SS18L1: variants seen among roughly 807,000 people sequenced by gnomAD.
SS18L1 encodes the protein SS18L1 subunit of BAF chromatin remodeling complex.
In SS18L1, 32 loss-of-function variants were observed where a neutral mutation model predicts 70.3. That is an observed-to-expected ratio of 0.46 (90% CI 0.34 to 0.61). The LOEUF is 0.61. Ranked by LOEUF, SS18L1 falls within the 20% of genes least tolerant of loss-of-function variation. The pLI is 0.01. For synonymous variants in SS18L1, 237 were observed against 229.7 expected, an observed-to-expected ratio of 1.03 and a Z score of -0.29; for missense variants, 430 against 542.1, an observed-to-expected ratio of 0.79 and a Z score of 2.05.
rs2057264195 is a variant in SS18L1 at position 62,158,554 on chromosome 20, A to G, written c.70-118A>G. 6.9e-7 allele frequency: 1 copy of G among 1,455,812 alleles called. No individual in the cohort carries two copies. Among genetic ancestry groups the G allele is most frequent in the Non-Finnish European group, 9.2e-7 (1 of 1,085,472 alleles). 90.2% of individuals were successfully genotyped at this position (1,455,812 alleles called of 1,614,324 possible). ...AATCTGGAAAAATCTGAAATCTGAC[A>G]CGTTTCACGTAAGGGACGCTCAACC... On this transcript the variant is annotated intron_variant, in intron 1 of 10. Coordinates refer to ENST00000331758, the MANE Select transcript of SS18L1 (RefSeq NM_198935.3). This position sits in a 1 kb window ranked among gnomAD's most constrained non-coding sequence, Gnocchi z 4.5.
Position 62,174,541 on chromosome 20 carries a change from A to G in SS18L1, c.1061A>G (p.Gln354Arg). The G allele has an allele frequency of 6.2e-7, 1 of 1,614,096 alleles. No homozygotes were observed. The highest frequency in any genetic ancestry group is 8.5e-7 in the Non-Finnish European group (1 of 1,180,022). ...GGGTCTGCCCAGGGAGCCCCGTCAC[A>G]GTACCCCGGCTACCAGCAAGGCCAA... ...GYGSAQGAPS[Q>R]YPGYQQGQGQ... Residue 354 changes from glutamine (Q) to arginine (R), a missense_variant, in exon 10 of 11, where the codon CAG becomes CGG. Gln to Arg is a conservative substitution (Grantham distance 43). Transcript: ENST00000331758. This position sits in a 1 kb window ranked among gnomAD's most constrained non-coding sequence, Gnocchi z 4.1.
chr20:62,162,670 A>G lies in SS18L1; in HGVS notation c.377-82A>G, dbSNP rs1440189562. 3 of 1,448,356 alleles carry G rather than the reference A, an allele frequency of 2.1e-6. No homozygotes were observed. The Admixed American group carries it at 6.9e-5, about 33-fold the overall frequency. 89.7% of individuals were successfully genotyped at this position (1,448,356 alleles called of 1,614,324 possible). A position where few individuals can be genotyped will look rare whatever the true frequency, so the allele number is the denominator to read the frequency against. Reference sequence around the variant, plus strand: ...AGCAACTCTTCCCAAAGTCACTTGAAGGGAAATTGGGGTGTCTTCACCTTC... The same window carrying G: ...AGCAACTCTTCCCAAAGTCACTTGAGGGGAAATTGGGGTGTCTTCACCTTC... On this transcript the variant is annotated intron_variant, in intron 4 of 10. Transcript: ENST00000331758.
At chr20:62,145,859 T>C (rs2057015254) in intron 1 of SS18L1, among the ~76,000 whole-genome samples, 1 of 152,194 alleles carries the variant, frequency 6.6e-6, no homozygotes. Context: ...GTATGTTCTA[T>C]GCCTCAGACG....
chr20:62,144,555 C>T (rs1203073493), intron 1 of SS18L1, among the ~76,000 whole-genome samples: 1 of 152,266 alleles, frequency 6.6e-6, no homozygotes, highest in Non-Finnish European at 1.5e-5. Flanking sequence ...ATCCTCGCGG[C>T]TACGCCGGGT....
intron 6 of SS18L1, 124 bp from the exon 7 acceptor site, chr20:62,164,020 CG>C (rs1290561311): frequency 1.3e-5 from 10 of 744,500 alleles, no homozygotes; most frequent in African/African-American, 8.8e-5. Context: ...ACGATGACAG[CG>C]TGGGGTGTTC....
chr20:62,146,113 A>C (rs1332772331), intron 1 of SS18L1, among the ~76,000 whole-genome samples: 1 of 152,064 alleles, frequency 6.6e-6, no homozygotes, highest in Non-Finnish European at 1.5e-5. Flanking sequence ...AGTGAAGGAG[A>C]AAGAGGTCTA....
At position 62,159,065 on chromosome 20, in the gene SS18L1, CCCT is replaced by C. The variant is rs1390830462; in HGVS notation, c.146+318_146+320del. 6 of 1,456,310 alleles carry C rather than the reference CCCT, an allele frequency of 4.1e-6. No individual in the cohort carries two copies. Among genetic ancestry groups the C allele is most frequent in the Non-Finnish European group, 4.6e-6 (5 of 1,088,846 alleles). The allele number at this position is 1,456,310 out of a possible 1,614,324, so 90.2% of individuals were successfully genotyped here. ...CGGAGGCCAGATATGTCCCGAGAGT[CCCT>C]GGCACAGCTGCGAAGCATTGCTGCC... On this transcript the variant is annotated intron_variant, in intron 2 of 10. Coordinates refer to ENST00000331758, the MANE Select transcript of SS18L1 (RefSeq NM_198935.3). This position sits in a 1 kb window ranked among gnomAD's most constrained non-coding sequence, Gnocchi z 4.4.
Position 62,165,506 on chromosome 20 carries a change from A to G in SS18L1, c.908A>G (p.Tyr303Cys), listed in dbSNP as rs753425497. 1.2e-5 allele frequency: 19 copies of G among 1,611,672 alleles called. No individual in the cohort carries two copies. Among genetic ancestry groups the G allele is most frequent in the South Asian group, 4.4e-5 (4 of 90,760 alleles). ...TTCGAGGAGTCCACGCAGCACTACT[A>G]TGAGGGGGGTAAGGAGCACGGCTGC... ...RSFEESTQHY[Y>C]EGGNSQYSQQ... Residue 303 changes from tyrosine to cysteine, a missense_variant, in exon 8 of 11, where the codon TAT becomes TGT. Coordinates refer to ENST00000331758, the MANE Select transcript of SS18L1 (RefSeq NM_198935.3).
rs757691324 is a variant in SS18L1, at chr20:62,165,483, C to T, written c.885C>T (p.Phe295=). 5.7e-5 allele frequency: 92 copies of T among 1,612,792 alleles called. No individual in the cohort carries two copies. In the East Asian group the frequency reaches 5.8e-4, roughly 10 times the overall value. Residue 295 remains phenylalanine (F), a synonymous_variant, in exon 8 of 11, where the codon TTC becomes TTT. Transcript: ENST00000331758. ...SYTEQSYDRS[F]EESTQHYYEG... is the part of the protein sequence containing the mutation. The stretch of plus-strand genomic sequence containing the variant: ...CGGAGCAGAGCTACGACCGGTCCTT[C>T]GAGGAGTCCACGCAGCACTACTATG...
In SS18L1 at chr20:62,179,416, G is replaced by A; in HGVS notation, c.*208G>A. 1 of 618,710 alleles carries A rather than the reference G, an allele frequency of 1.6e-6. No homozygotes were observed. Among genetic ancestry groups the A allele is most frequent in the Non-Finnish European group, 2.9e-6 (1 of 343,954 alleles). 38.3% of individuals were successfully genotyped at this position (618,710 alleles called of 1,614,324 possible). On this transcript the variant is annotated 3_prime_UTR_variant, in exon 11 of 11. Coordinates refer to ENST00000331758, the MANE Select transcript of SS18L1 (RefSeq NM_198935.3). ...AGCGCTTGGTGGTGTGATACTTTTGGTGCTGTGTATAGTATTGTATGTCGG... is the reference window on the plus strand; with the variant it reads ...AGCGCTTGGTGGTGTGATACTTTTGATGCTGTGTATAGTATTGTATGTCGG...
At chr20:62,154,565 T>C in intron 1 of SS18L1, 1 of 1,009,826 alleles carries the variant, frequency 9.9e-7, no homozygotes, top group Non-Finnish European at 1.2e-6. Flanking sequence ...GGGTGTCCCT[T>C]GGTATGGGAC....
chr20:62,178,909 C>T lies in SS18L1; in HGVS notation c.1165-273C>T, dbSNP rs527327499. ...GAGGAGAGCCTTCCTGCATAGCAGG[C>T]CCAGCATAAGGCTCTGATGCCAGGC... is the stretch of plus-strand genomic sequence containing the variant. On this transcript the variant is annotated intron_variant, in intron 10 of 10. Coordinates refer to ENST00000331758, the MANE Select transcript of SS18L1 (RefSeq NM_198935.3). Among the ~76,000 whole-genome samples the T allele has an allele frequency of 2.0e-5, 3 of 152,368 alleles. No homozygotes were observed. In the South Asian group the frequency reaches 6.2e-4, roughly 32 times the overall value.
chr20:62,177,568 G>A (rs1459727082), intron 10 of SS18L1, among the ~76,000 whole-genome samples: 1 of 152,224 alleles, frequency 6.6e-6, no homozygotes, highest in Non-Finnish European at 1.5e-5. Flanking sequence ...GGGACACATG[G>A]AGAACAGGCA....
At chr20:62,165,718 G>A (rs955593975) in intron 8 of SS18L1, among the ~76,000 whole-genome samples, 7 of 152,222 alleles carry the variant, frequency 4.6e-5, no homozygotes, top group Non-Finnish European at 8.8e-5. Flanking sequence ...GGGTGTGTTC[G>A]TGAGACAGGA....
rs370633084 is a variant in SS18L1 at position 62,163,064 on chromosome 20, G to A, written c.556+133G>A. ...GCTGGAGGGGAGGGGCCCGTGAATC[G>A]GGGCTGGCCGCTGCCTCTGAGAGCT... On this transcript the variant is annotated intron_variant, in intron 5 of 10. Coordinates refer to ENST00000331758, the MANE Select transcript of SS18L1 (RefSeq NM_198935.3). 13 of 1,229,810 alleles carry A rather than the reference G, an allele frequency of 1.1e-5. No individual in the cohort carries two copies. The East Asian group carries it at 1.3e-4, about 12-fold the overall frequency. 76.2% of individuals were successfully genotyped at this position (1,229,810 alleles called of 1,614,324 possible). A position where few individuals can be genotyped will look rare whatever the true frequency, so the allele number is the denominator to read the frequency against.
At chr20:62,146,605 ATTTTTTTTT>A (rs10673768) in intron 1 of SS18L1, among the ~76,000 whole-genome samples, 2 of 79,714 alleles carry the variant, frequency 2.5e-5, no homozygotes, top group South Asian at 9.6e-4. Flanking sequence ...TGCTTTGATC[ATTTTTTTTT>A]TTTTTTTTTT....
At chr20:62,145,996 G>C (rs1334454123) in intron 1 of SS18L1, among the ~76,000 whole-genome samples, 2 of 148,900 alleles carry the variant, frequency 1.3e-5, no homozygotes, top group Non-Finnish European at 2.9e-5. Flanking sequence ...ACAGCATTCT[G>C]CGTGGTAGCG....
chr20:62,144,393 A>G (rs549878467), intron 1 of SS18L1, among the ~76,000 whole-genome samples: 9 of 152,246 alleles, frequency 5.9e-5, no homozygotes, highest in South Asian at 2.1e-4. Flanking sequence ...CTCCGGGCGC[A>G]CTTGCGACCG....
Position 62,163,543 on chromosome 20 carries a change from C to A in SS18L1, c.642C>A (p.Ile214=), listed in dbSNP as rs1304206042. Reference sequence around the variant, plus strand: ...AGCACTACCAGGGCCAGTCGTCCATCGCCATGATGGGGCAGGGCAGCCAGG... The same window carrying A: ...AGCACTACCAGGGCCAGTCGTCCATAGCCATGATGGGGCAGGGCAGCCAGG... ...GSQHYQGQSS[I]AMMGQGSQGS... The change falls in exon 6 of 11, where the codon ATC becomes ATA. Residue 214 remains isoleucine, a synonymous_variant. Transcript: ENST00000331758. 6.2e-7 allele frequency: 1 copy of A among 1,611,458 alleles called. No homozygotes were observed. The highest frequency in any genetic ancestry group is 1.1e-5 in the South Asian group (1 of 91,044).
Sources: allele counts gnomAD v4.1 joint callset (sites outside exome capture counted in the v4.1 genomes callset), GRCh38; gene constraint gnomAD v4.1.1; non-coding constraint Gnocchi (gnomAD v3.1); transcripts MANE v1.5; gene names NCBI Gene and HGNC (gene_info 2026-07-23, HGNC 2026-07-21).